The following XIST variants were observed in gnomAD, a reference collection of about 807,000 sequenced individuals.
XIST encodes X inactive specific transcript.
At chrX:73,850,728 TG>T (rs1203031929) in exon 1 of XIST, 16 of 118,718 alleles carry the variant, frequency 1.3e-4, no homozygotes, top group African/African-American at 1.3e-3. Context: ...AGGTGGGGGG[TG>T]GGGGGTGGGG....
exon 1 of XIST, chrX:73,842,367 A>G (rs752898801): frequency 5.4e-6 from 3 of 552,079 alleles, no homozygotes; most frequent in Non-Finnish European, 9.8e-6. Context: ...CACAAAATAA[A>G]GGATGGCAAT....
chrX:73,849,570 T>C (rs750169184), exon 1 of XIST: 1 of 556,345 alleles, frequency 1.8e-6, no homozygotes, highest in African/African-American at 2.3e-5. Context: ...AATAATGCTC[T>C]GATAGAAAGC....
At chrX:73,825,792 C>G (rs1922236596) in exon 6 of XIST, 6 of 525,021 alleles carry the variant, frequency 1.1e-5, no homozygotes, top group Non-Finnish European at 2.1e-5. Context: ...TGCATGATTG[C>G]CAATACACTA....
At chrX:73,836,399 A>C (rs1922484035) in intron 2 of XIST, among the ~76,000 whole-genome samples, 1 of 111,206 alleles carries the variant, frequency 9.0e-6, no homozygotes, top group Non-Finnish European at 1.9e-5. Flanking sequence ...AATGTCAAAC[A>C]CTCACTACCG....
exon 6 of XIST, chrX:73,821,418 T>C (rs1922113301): frequency 3.6e-6 from 2 of 556,687 alleles, no homozygotes; most frequent in Non-Finnish European, 3.2e-6. Context: ...ACAAGAAGGG[T>C]CACACTGATT....
chrX:73,851,644 C>T (rs769806628), exon 1 of XIST: 2 of 558,811 alleles, frequency 3.6e-6, no homozygotes, highest in Non-Finnish European at 6.5e-6. Flanking sequence ...TACTGCCTCC[C>T]GATACAACAA....
exon 1 of XIST, chrX:73,842,977 A>G: frequency 1.8e-6 from 1 of 559,017 alleles, no homozygotes; most frequent in Non-Finnish European, 3.2e-6. Context: ...CTGTGATTTT[A>G]CACACTGGCG....
chrX:73,846,604 T>C (rs1894271), exon 1 of XIST: 133,287 of 556,275 alleles, frequency 0.24, 16,192 homozygotes, highest in East Asian at 0.95. Context: ...TCACTTACAA[T>C]TGTGCACCTA....
chrX:73,830,532 T>C (rs1285648002), intron 4 of XIST, among the ~76,000 whole-genome samples: 2 of 112,062 alleles, frequency 1.8e-5, no homozygotes, highest in African/African-American at 6.5e-5. Flanking sequence ...TCCTGCCTGA[T>C]GACAGATAAC....
chrX:73,823,555 C>T (rs375869362), exon 6 of XIST: 52 of 555,709 alleles, frequency 9.4e-5, no homozygotes, highest in South Asian at 5.1e-4. Flanking sequence ...TCAAAAAGCA[C>T]GCCTGAGGCA....
At chrX:73,828,724 CGGA>C in intron 5 of XIST, 1 of 130,288 alleles carries the variant, frequency 7.7e-6, no homozygotes, top group South Asian at 3.2e-4. Flanking sequence ...CTCTCACAAA[CGGA>C]GATGAGAAAG....
chrX:73,821,067 A>G, exon 6 of XIST: 1 of 558,469 alleles, frequency 1.8e-6, no homozygotes, highest in East Asian at 3.3e-5. Flanking sequence ...TCTTCTTTCC[A>G]TTTTCCAATA....
At chrX:73,849,454 T>C (rs1922857568) in exon 1 of XIST, 1 of 557,057 alleles carries the variant, frequency 1.8e-6, no homozygotes, top group Non-Finnish European at 3.2e-6. Flanking sequence ...CAAGAAAAGA[T>C]CACTACTCAA....
chrX:73,841,615 T>G (rs776087166), exon 1 of XIST: 2 of 558,932 alleles, frequency 3.6e-6, no homozygotes, highest in East Asian at 6.5e-5. Flanking sequence ...TATTATTCAT[T>G]TCCACTAGGC....
exon 6 of XIST, chrX:73,825,500 G>A (rs1264046321): frequency 1.9e-6 from 1 of 516,197 alleles, no homozygotes; most frequent in Non-Finnish European, 3.5e-6. Context: ...CCTAGCACAG[G>A]GACAGGCACA....
Position 73,840,458 on chromosome X carries a change from G to A in XIST, n.11342+924C>T, listed in dbSNP as rs188552179. On this transcript the variant is annotated intron_variant and non_coding_transcript_variant, in intron 1 of 5. Coordinates refer to ENST00000429829, the Ensembl canonical transcript of XIST. ...CCAGAAAAAAAGTTTCGAATGTTAT[G>A]TTAAACAATATTTTGTCAGCTGGAA... 2.3e-4 allele frequency among the ~76,000 whole-genome samples: 26 copies of A among 111,565 alleles called. No homozygotes were observed. In the Admixed American group the frequency reaches 2.5e-3, roughly 11 times the overall value.
Position 73,831,396 on chromosome X carries a change from G to A in XIST, n.11544-122C>T, listed in dbSNP as rs758570084. 25 of 410,984 alleles carry A rather than the reference G, an allele frequency of 6.1e-5. No individual in the cohort carries two copies. The Middle Eastern group carries it at 2.0e-3, about 32-fold the overall frequency. 33.9% of individuals were successfully genotyped at this position (410,984 alleles called of 1,213,427 possible). A position where few individuals can be genotyped will look rare whatever the true frequency, so the allele number is the denominator to read the frequency against. ...CTTTTCTTCATGTGGATTGAAGAGT[G>A]GACATTTACAGTTGTGCGGAGCTGT... On this transcript the variant is annotated intron_variant and non_coding_transcript_variant, in intron 3 of 5. Transcript: ENST00000429829.
intron 2 of XIST, chrX:73,837,350 A>C (rs182519256): frequency 1.9e-4 from 79 of 410,157 alleles, no homozygotes; most frequent in Non-Finnish European, 4.2e-5. Context: ...GACAAATTCC[A>C]ATAGAGAGAC....
exon 1 of XIST, chrX:73,852,552 G>C (rs759083490): frequency 1.4e-5 from 7 of 509,363 alleles, no homozygotes; most frequent in Admixed American, 2.9e-5. Context: ...GACACTAGGA[G>C]AAAGTATAGA....
Sources: allele counts gnomAD v4.1 joint callset (sites outside exome capture counted in the v4.1 genomes callset), GRCh38; gene constraint gnomAD v4.1.1; transcripts MANE v1.5; gene names NCBI Gene and HGNC (gene_info 2026-07-23, HGNC 2026-07-21).